Variants in CSMD3 observed in about 807,000 individuals in gnomAD.
CSMD3 encodes CUB and sushi domain-containing protein 3.
Under a neutral mutation model 435.2 loss-of-function variants are expected in CSMD3, and 177 were observed. The observed-to-expected ratio is 0.41, with a 90% CI of 0.36 to 0.46. CSMD3 has a LOEUF of 0.46. CSMD3 is among the 20% of genes least tolerant of loss of function. CSMD3 has a pLI of 0.34. For synonymous variants in CSMD3, 1,656 were observed against 1,520.5 expected (o/e 1.09, Z -2.07); for missense variants, 4,265 against 4,504.6 (o/e 0.95, Z 1.52).
At chr8:112,274,236 AAAG>A (rs1817815979) in intron 59 of CSMD3, among the ~76,000 whole-genome samples, 1 of 152,202 alleles carries the variant, frequency 6.6e-6, no homozygotes, top group African/African-American at 2.4e-5. Context: ...TATTTAAAAA[AAAG>A]AAATATTTCA....
chr8:112,950,044 A>AT (rs2083751762), intron 8 of CSMD3, among the ~76,000 whole-genome samples: 1 of 151,930 alleles, frequency 6.6e-6, no homozygotes, highest in Non-Finnish European at 1.5e-5. Flanking sequence ...CATTTGGACA[A>AT]TTTTTTATTT....
chr8:112,805,972 C>T (rs1235638531), intron 12 of CSMD3, among the ~76,000 whole-genome samples: 2 of 152,092 alleles, frequency 1.3e-5, no homozygotes, highest in South Asian at 4.1e-4. Context: ...ACAACTCCCC[C>T]TTCACAAGGG....
At chr8:112,450,733 C>T (rs1457578052) in intron 32 of CSMD3, among the ~76,000 whole-genome samples, 1 of 152,206 alleles carries the variant, frequency 6.6e-6, no homozygotes, top group Non-Finnish European at 1.5e-5. Context: ...CAGTTTCTAT[C>T]TAAATGCCAT....
chr8:112,888,481 G>A (rs1054591112), intron 10 of CSMD3, among the ~76,000 whole-genome samples: 9 of 151,558 alleles, frequency 5.9e-5, no homozygotes, highest in Non-Finnish European at 1.3e-4. Flanking sequence ...ATCTCAAGGA[G>A]CAGCAATGGG....
At chr8:113,351,938 T>A (rs1204986579) in intron 1 of CSMD3, among the ~76,000 whole-genome samples, 3 of 151,568 alleles carry the variant, frequency 2.0e-5, no homozygotes, top group African/African-American at 4.9e-5. Flanking sequence ...GCTTAATGAT[T>A]TTTTTTTATT....
chr8:112,352,603 G>A (rs762343910), intron 38 of CSMD3, 69 bp from the exon 39 acceptor site: 38 of 1,373,886 alleles, frequency 2.8e-5, no homozygotes, highest in South Asian at 1.6e-4. Context: ...TGCATATTAA[G>A]TTGCTAAAAT....
chr8:112,555,879 T>G (rs957588896), intron 25 of CSMD3, among the ~76,000 whole-genome samples: 3 of 151,978 alleles, frequency 2.0e-5, no homozygotes, highest in African/African-American at 7.2e-5. Flanking sequence ...TGTATATCAA[T>G]TATACCTCAG....
In CSMD3 at chr8:112,908,783, G is replaced by T. The variant is rs565969086; in HGVS notation, c.1633+12844C>A. Among the ~76,000 whole-genome samples, 4 of 151,478 alleles carry T rather than the reference G, an allele frequency of 2.6e-5. No individual in the cohort carries two copies. The East Asian group carries it at 7.8e-4, about 30-fold the overall frequency. ...AAGAAAATTGGAGTCATTTAATAAAGATTTCACAAAAGTTTTTCTCAGCAT... is the reference window on the plus strand; with the variant it reads ...AAGAAAATTGGAGTCATTTAATAAATATTTCACAAAAGTTTTTCTCAGCAT... On this transcript the variant is annotated intron_variant, in intron 10 of 70. Transcript: ENST00000297405.
At chr8:113,186,218 G>A (rs1470935557) in intron 3 of CSMD3, among the ~76,000 whole-genome samples, 4 of 151,876 alleles carry the variant, frequency 2.6e-5, no homozygotes. Context: ...TGTGCCCTAT[G>A]TGGGCATCCT....
At chr8:112,840,163 C>A (rs2080139078) in intron 11 of CSMD3, among the ~76,000 whole-genome samples, 1 of 151,618 alleles carries the variant, frequency 6.6e-6, no homozygotes, top group African/African-American at 2.4e-5. Flanking sequence ...GACTTGTAGC[C>A]CATGAATGAA....
At chr8:113,073,704 CTTTT>C (rs557073307) in intron 5 of CSMD3, among the ~76,000 whole-genome samples, 1 of 147,990 alleles carries the variant, frequency 6.8e-6, no homozygotes, top group African/African-American at 2.5e-5. Flanking sequence ...TCTCACAATT[CTTTT>C]TTTTTTCAGT....
At chr8:113,343,840 G>A (rs1478698655) in intron 1 of CSMD3, among the ~76,000 whole-genome samples, 2 of 152,172 alleles carry the variant, frequency 1.3e-5, no homozygotes, top group African/African-American at 2.4e-5. Context: ...GGGAGGCTGA[G>A]GCGGGTGGAT....
intron 67 of CSMD3, 28 bp downstream of exon 67, chr8:112,237,162 T>A (rs1158796467): frequency 1.9e-6 from 3 of 1,609,634 alleles, no homozygotes; most frequent in Non-Finnish European, 2.6e-6. Flanking sequence ...CATGAAGGTA[T>A]ATTTCGCTGC....
intron 59 of CSMD3, among the ~76,000 whole-genome samples, chr8:112,265,974 G>C (rs1330053534): frequency 6.6e-6 from 1 of 152,012 alleles, no homozygotes; most frequent in East Asian, 1.9e-4. Flanking sequence ...GGCTACTGAA[G>C]TATCTAATTT....
In CSMD3 at chr8:113,349,024, T is replaced by C. The variant is rs181602267; in HGVS notation, c.179-34231A>G. Among the ~76,000 whole-genome samples, 12 of 152,214 alleles carry C rather than the reference T, an allele frequency of 7.9e-5. No individual in the cohort carries two copies. The East Asian group carries it at 1.7e-3, about 22-fold the overall frequency. ...ACATACATATATAGGTTTTATAATGTTGATTAGTGTAACTAGTTTACTATT... is the reference window on the plus strand; with the variant it reads ...ACATACATATATAGGTTTTATAATGCTGATTAGTGTAACTAGTTTACTATT... On this transcript the variant is annotated intron_variant, in intron 1 of 70. Coordinates refer to ENST00000297405, the MANE Select transcript of CSMD3 (RefSeq NM_198123.2).
intron 35 of CSMD3, among the ~76,000 whole-genome samples, chr8:112,392,488 G>GTTT (rs1379054964): frequency 1.3e-5 from 2 of 151,960 alleles, no homozygotes; most frequent in African/African-American, 4.8e-5. Flanking sequence ...AAAACCAGCA[G>GTTT]TTTTGCATGA....
chr8:112,254,160 A>T, intron 63 of CSMD3, 93 bp downstream of exon 63: 1 of 884,134 alleles, frequency 1.1e-6, no homozygotes, highest in Non-Finnish European at 1.9e-6. Context: ...ATAGAACATG[A>T]CTTTTTGTTA....
intron 10 of CSMD3, among the ~76,000 whole-genome samples, chr8:112,906,781 T>C (rs2082275429): frequency 6.6e-6 from 1 of 151,582 alleles, no homozygotes; most frequent in South Asian, 2.1e-4. Flanking sequence ...ATCCCCTAAA[T>C]TCAAATTCTT....
At chr8:112,848,110 C>A (rs1314246176) in intron 11 of CSMD3, among the ~76,000 whole-genome samples, 1 of 152,038 alleles carries the variant, frequency 6.6e-6, no homozygotes, top group Non-Finnish European at 1.5e-5. Context: ...AACATAAGAG[C>A]AGAGAAAAAC....
Sources: gnomAD v4.1 joint callset for allele counts (sites outside exome capture counted in the v4.1 genomes callset) on GRCh38, gnomAD v4.1.1 for gene constraint, MANE v1.5 for transcripts, NCBI Gene and HGNC (gene_info 2026-07-23, HGNC 2026-07-21) for gene names.